ASIC2: variants seen among roughly 807,000 people sequenced by gnomAD.
The protein encoded by ASIC2 is acid-sensing ion channel 2.
A neutral mutation model predicts 57.3 loss-of-function variants in ASIC2; 25 were observed. That is an observed-to-expected ratio of 0.44 (90% CI 0.32 to 0.61). ASIC2 has a LOEUF of 0.61. Among genes scored for constraint, ASIC2 ranks in the 20% least tolerant of loss-of-function variants. The probability of loss-of-function intolerance (pLI) is 0.06; values close to 1 mark genes in which losing one functional copy is unlikely to be tolerated. For synonymous variants in ASIC2, 319 were observed against 307.5 expected, an observed-to-expected ratio of 1.04 and a Z score of -0.39; for missense variants, 641 against 738.1, an observed-to-expected ratio of 0.87 and a Z score of 1.52.
intron 1 of ASIC2, among the ~76,000 whole-genome samples, chr17:33,147,242 CT>C (rs1179205204): frequency 6.6e-6 from 1 of 152,064 alleles, no homozygotes; most frequent in Non-Finnish European, 1.5e-5. Flanking sequence ...AAAAAGCAGA[CT>C]TAAAAAGTAA....
chr17:33,714,280 A>T (rs1448657909), intron 1 of ASIC2, among the ~76,000 whole-genome samples: 1 of 152,328 alleles, frequency 6.6e-6, no homozygotes, highest in African/African-American at 2.4e-5. Context: ...ACATAAAAGC[A>T]TGCAATGAAG....
chr17:33,986,620 T>TG (rs1905828422), intron 1 of ASIC2, among the ~76,000 whole-genome samples: 1 of 152,130 alleles, frequency 6.6e-6, no homozygotes, highest in Admixed American at 6.5e-5. Context: ...GGAGGGACAC[T>TG]TACTTCCTGC....
intron 1 of ASIC2, among the ~76,000 whole-genome samples, chr17:33,384,656 A>G (rs1298232575): frequency 6.6e-6 from 1 of 152,002 alleles, no homozygotes; most frequent in Non-Finnish European, 1.5e-5. Context: ...CCAAGGGCGG[A>G]TTATTGACCT....
chr17:33,450,952 T>C (rs1912225031), intron 1 of ASIC2, among the ~76,000 whole-genome samples: 1 of 152,236 alleles, frequency 6.6e-6, no homozygotes, highest in African/African-American at 2.4e-5. Context: ...TGACATGTTC[T>C]CTTAGCTGTC....
At chr17:33,212,112 T>C (rs1907298507) in intron 1 of ASIC2, among the ~76,000 whole-genome samples, 2 of 152,196 alleles carry the variant, frequency 1.3e-5, no homozygotes. Context: ...TTGAATTACA[T>C]TTTGTTACTA....
intron 1 of ASIC2, among the ~76,000 whole-genome samples, chr17:33,164,242 T>G (rs910521278): frequency 1.3e-5 from 2 of 152,172 alleles, no homozygotes; most frequent in Non-Finnish European, 2.9e-5. Context: ...GCCTGCCCCA[T>G]GCTCTGTGCT....
Position 33,684,489 on chromosome 17 carries a change from G to A in ASIC2, c.555+471489C>T, listed in dbSNP as rs369645266. ...TGACGACCCTGACCCTGGGTTGGGCGCGGGTGCTCTTCAGAGTGGCTCATT... is the reference window on the plus strand; with the variant it reads ...TGACGACCCTGACCCTGGGTTGGGCACGGGTGCTCTTCAGAGTGGCTCATT... On this transcript the variant is annotated intron_variant, in intron 1 of 9. Coordinates refer to the ASIC2 transcript ENST00000359872. Among the ~76,000 whole-genome samples, 59 of 152,006 alleles carry A rather than the reference G, an allele frequency of 3.9e-4. 1 individual carries two copies. Among genetic ancestry groups the A allele is most frequent in the African/African-American group, 1.3e-3 (54 of 41,424 alleles).
chr17:33,970,877 C>A (rs749938264), intron 1 of ASIC2, among the ~76,000 whole-genome samples: 2 of 152,158 alleles, frequency 1.3e-5, no homozygotes, highest in Non-Finnish European at 2.9e-5. Flanking sequence ...AGGGGAGATG[C>A]TCAGAACAAA....
At chr17:33,424,280 G>A (rs1380026716) in intron 1 of ASIC2, among the ~76,000 whole-genome samples, 1 of 152,220 alleles carries the variant, frequency 6.6e-6, no homozygotes, top group East Asian at 1.9e-4. Context: ...CTATGTGGCT[G>A]CCAGAAGTTG....
chr17:33,900,756 A>G (rs887174492), intron 1 of ASIC2, among the ~76,000 whole-genome samples: 2 of 152,304 alleles, frequency 1.3e-5, no homozygotes, highest in African/African-American at 4.8e-5. Context: ...GTGGGAGGGT[A>G]TCTAGGGAAG....
intron 1 of ASIC2, among the ~76,000 whole-genome samples, chr17:33,728,104 A>C (rs1026163571): frequency 1.1e-4 from 16 of 152,206 alleles, no homozygotes; most frequent in African/African-American, 3.6e-4. Flanking sequence ...CTGCACCTCA[A>C]GTCCCTCCTG....
intron 1 of ASIC2, among the ~76,000 whole-genome samples, chr17:33,477,025 A>G (rs1045030325): frequency 6.6e-6 from 1 of 152,186 alleles, no homozygotes; most frequent in African/African-American, 2.4e-5. Context: ...ATGTGTGTGT[A>G]TATATACTAT....
chr17:33,665,678 T>A (rs1351286436), intron 1 of ASIC2, among the ~76,000 whole-genome samples: 1 of 152,198 alleles, frequency 6.6e-6, no homozygotes, highest in Non-Finnish European at 1.5e-5. Context: ...ATAATCCAAG[T>A]ATATTTTCCA....
chr17:33,269,655 C>CTTCA (rs1904379042), intron 1 of ASIC2, among the ~76,000 whole-genome samples: 1 of 89,214 alleles, frequency 1.1e-5, no homozygotes, highest in African/African-American at 4.1e-5. Flanking sequence ...TCCTTCCTTC[C>CTTCA]TTCCTTCCTT....
chr17:33,505,132 A>C (rs1261261341), intron 1 of ASIC2, among the ~76,000 whole-genome samples: 2 of 152,124 alleles, frequency 1.3e-5, no homozygotes, highest in African/African-American at 2.4e-5. Flanking sequence ...GATAGTGTAC[A>C]AGGCAGTTCA....
chr17:33,672,701 C>T (rs1011534607), intron 1 of ASIC2, among the ~76,000 whole-genome samples: 9 of 152,314 alleles, frequency 5.9e-5, no homozygotes, highest in Admixed American at 3.9e-4. Context: ...TTCCTAGGAA[C>T]TGCTACATCT....
intron 1 of ASIC2, among the ~76,000 whole-genome samples, chr17:33,565,506 C>T (rs899221462): frequency 6.6e-6 from 1 of 152,174 alleles, no homozygotes; most frequent in Non-Finnish European, 1.5e-5. Context: ...CCAGAACAGT[C>T]CTTAGAGGTA....
At chr17:33,546,929 A>T (rs775360549) in intron 1 of ASIC2, among the ~76,000 whole-genome samples, 6 of 152,196 alleles carry the variant, frequency 3.9e-5, no homozygotes, top group Non-Finnish European at 7.4e-5. Flanking sequence ...CAAGGCTTTT[A>T]ATTTGCAAGT....
intron 1 of ASIC2, among the ~76,000 whole-genome samples, chr17:33,260,125 T>C (rs1466197894): frequency 6.6e-6 from 1 of 152,120 alleles, no homozygotes; most frequent in African/African-American, 2.4e-5. Flanking sequence ...GGCAGCAAAG[T>C]GAGACCCTGC....
Sources: allele counts gnomAD v4.1 joint callset (sites outside exome capture counted in the v4.1 genomes callset), GRCh38; gene constraint gnomAD v4.1.1; transcripts MANE v1.5; gene names NCBI Gene and HGNC (gene_info 2026-07-23, HGNC 2026-07-21).